The following BST1 variants were observed in gnomAD, a reference collection of about 807,000 sequenced individuals.
BST1 encodes the protein ADP-ribosyl cyclase/cyclic ADP-ribose hydrolase 2.
In BST1, 49 loss-of-function variants were observed where a neutral mutation model predicts 40.6. That is an observed-to-expected ratio of 1.21 (90% confidence interval 0.96 to 1.53). The LOEUF (loss-of-function observed/expected upper bound fraction) is 1.53, where lower values mean the gene tolerates loss of function less well. Among genes scored for constraint, BST1 ranks in the 40% most tolerant of loss-of-function variants. The pLI is 0.00. For synonymous variants in BST1, 157 were observed against 159.3 expected, an observed-to-expected ratio of 0.99 and a Z score of 0.11; for missense variants, 423 against 395.9, an observed-to-expected ratio of 1.07 and a Z score of -0.58.
Position 15,728,412 on chromosome 4 carries a change from C to T in BST1, c.852-3328C>T, listed in dbSNP as rs2148894739. Among the ~76,000 whole-genome samples the T allele has an allele frequency of 1.3e-5, 2 of 150,796 alleles. 1 individual carries two copies. Among genetic ancestry groups the T allele is most frequent in the South Asian group, 4.2e-4 (2 of 4,740 alleles). On this transcript the variant is annotated intron_variant, in intron 8 of 8. Transcript: ENST00000265016. The stretch of plus-strand genomic sequence containing the variant: ...AGCTGTTGGATTAAACCTGTGATGC[C>T]AGTATATGGGTTACTATTAAGTAAC...
chr4:15,731,195 C>A, intron 8 of BST1: 1 of 437,602 alleles, frequency 2.3e-6, no homozygotes, highest in South Asian at 2.2e-5. Context: ...ACTTTGGCCA[C>A]CATGTTTTCC....
chr4:15,722,016 T>C (rs530548590), intron 7 of BST1, among the ~76,000 whole-genome samples: 6 of 152,250 alleles, frequency 3.9e-5, no homozygotes, highest in Non-Finnish European at 7.4e-5. Context: ...TCTTCATTGC[T>C]GCTTCCCTTC....
Position 15,732,104 on chromosome 4 carries a change from T to C in BST1, c.*259T>C, listed in dbSNP as rs889236464. On this transcript the variant is annotated 3_prime_UTR_variant, in exon 9 of 9. Transcript: ENST00000265016. ...CTTATTTGTATAATGACACAAAGCA[T>C]TGGGAGTCAGACTGCTTGTATATTA... The C allele has an allele frequency of 4.1e-6, 5 of 1,208,494 alleles. No homozygotes were observed. The highest frequency in any genetic ancestry group is 1.6e-5 in the African/African-American group (1 of 63,864). 74.9% of individuals were successfully genotyped at this position (1,208,494 alleles called of 1,614,324 possible).
chr4:15,723,651 T>G, intron 8 of BST1: 1 of 956,964 alleles, frequency 1.0e-6, no homozygotes, highest in Non-Finnish European at 1.2e-6. Flanking sequence ...ATATAATCCT[T>G]GATTATATAC....
At chr4:15,754,654 G>A in the BST1 span, among the ~76,000 whole-genome samples, 1 of 152,128 alleles carries the variant, frequency 6.6e-6, no homozygotes, top group African/African-American at 2.4e-5. Context: ...TGAAAAGATG[G>A]AAAAAACGGG....
chr4:15,705,727 C>T, intron 2 of BST1, 86 bp downstream of exon 2: 7 of 1,503,686 alleles, frequency 4.7e-6, no homozygotes, highest in Non-Finnish European at 5.5e-6. Context: ...CATTAGCTGT[C>T]CCCTGCATCC....
At chr4:15,771,917 T>G in the BST1 span, among the ~76,000 whole-genome samples, 1 of 152,192 alleles carries the variant, frequency 6.6e-6, no homozygotes, top group African/African-American at 2.4e-5. Flanking sequence ...TGTGCTGGTG[T>G]TTAATGTCTT....
At chr4:15,758,393 G>A in the BST1 span, among the ~76,000 whole-genome samples, 1 of 152,080 alleles carries the variant, frequency 6.6e-6, no homozygotes, top group Admixed American at 6.6e-5. Flanking sequence ...GAGAACATGT[G>A]GCATTTGATT....
At chr4:15,741,721 C>A (rs1352674079), downstream of BST1, among the ~76,000 whole-genome samples, 1 of 152,154 alleles carries the variant, frequency 6.6e-6, no homozygotes, top group African/African-American at 2.4e-5. Flanking sequence ...TAAAGTTTTA[C>A]TGGAACTCAG....
Position 15,703,082 on chromosome 4 carries a change from C to A in BST1, c.-63C>A. ...CGCCCTGCATCAGTTTGCGGAACCGCCTTGGTAGAAGGAGAGAAGGGGAGT... is the reference window on the plus strand; with the variant it reads ...CGCCCTGCATCAGTTTGCGGAACCGACTTGGTAGAAGGAGAGAAGGGGAGT... On this transcript the variant is annotated 5_prime_UTR_variant, in exon 1 of 9. Transcript: ENST00000265016. 6.7e-7 allele frequency: 1 copy of A among 1,499,716 alleles called. No individual in the cohort carries two copies. Among genetic ancestry groups the A allele is most frequent in the Non-Finnish European group, 8.8e-7 (1 of 1,133,152 alleles). The allele number at this position is 1,499,716 out of a possible 1,614,324, so 92.9% of individuals were successfully genotyped here. A position where few individuals can be genotyped will look rare whatever the true frequency, so the allele number is the denominator to read the frequency against.
intron 7 of BST1, among the ~76,000 whole-genome samples, chr4:15,720,982 G>A (rs984080977): frequency 2.0e-4 from 30 of 152,168 alleles, no homozygotes; most frequent in African/African-American, 6.7e-4. Flanking sequence ...TGCCCCTCAC[G>A]GCTGCCCTGG....
chr4:15,705,487 G>T (rs375022203), intron 1 of BST1, 28 bp from the exon 2 acceptor site: 3 of 1,549,042 alleles, frequency 1.9e-6, no homozygotes, highest in African/African-American at 2.8e-5. Context: ...GCATGTGTGT[G>T]TTCTTCCCAA....
chr4:15,727,609 C>A (rs1221824936), intron 8 of BST1, among the ~76,000 whole-genome samples: 1 of 152,094 alleles, frequency 6.6e-6, no homozygotes, highest in African/African-American at 2.4e-5. Context: ...TAAAACATAG[C>A]AGAAAAATGT....
intron 6 of BST1, 120 bp downstream of exon 6, chr4:15,715,919 T>C: frequency 2.8e-6 from 2 of 715,660 alleles, no homozygotes; most frequent in East Asian, 3.2e-5. Flanking sequence ...TTGCTTCTAA[T>C]GGGGTTGGTA....
chr4:15,704,267 T>G, intron 1 of BST1, among the ~76,000 whole-genome samples: 1 of 147,318 alleles, frequency 6.8e-6, no homozygotes, highest in Middle Eastern at 3.8e-3. Context: ...TGTATGTGTG[T>G]TCTAGAGGTG....
intron 6 of BST1, 30 bp from the exon 7 acceptor site, chr4:15,718,877 A>G (rs757334277): frequency 5.0e-6 from 8 of 1,588,936 alleles, no homozygotes; most frequent in Non-Finnish European, 5.2e-6. Flanking sequence ...TTATTTGCTT[A>G]CTTTTTAATT....
downstream of BST1, among the ~76,000 whole-genome samples, chr4:15,733,479 T>C (rs990925245): frequency 2.6e-5 from 4 of 152,152 alleles, no homozygotes; most frequent in Admixed American, 2.0e-4. Flanking sequence ...CACAGAGTGC[T>C]GATCGGTGCA....
At position 15,711,851 on chromosome 4, in the gene BST1, A is replaced by G. The variant is rs1435971357; in HGVS notation, c.496A>G (p.Asn166Asp). The G allele has an allele frequency of 6.2e-7, 1 of 1,614,146 alleles. No individual in the cohort carries two copies. The highest frequency in any genetic ancestry group is 8.5e-7 in the Non-Finnish European group (1 of 1,179,976). ...SCPTSEDCENNPVDSFWKRAS... is the reference protein window; with the variant it reads ...SCPTSEDCENDPVDSFWKRAS... Reference sequence around the variant, plus strand: ...CCCTACATCAGAAGACTGTGAAAATAATCCTGTGGATTCCTTTTGGAAAAG... The same window carrying G: ...CCCTACATCAGAAGACTGTGAAAATGATCCTGTGGATTCCTTTTGGAAAAG... The change falls in exon 4 of 9, where the codon AAT becomes GAT. Residue 166 changes from asparagine (N) to aspartate (D), a missense_variant. By Grantham distance (23) the Asn-to-Asp change is conservative. Coordinates refer to ENST00000265016, the MANE Select transcript of BST1 (RefSeq NM_004334.3).
At chr4:15,754,033 G>C in the BST1 span, among the ~76,000 whole-genome samples, 22 of 152,324 alleles carry the variant, frequency 1.4e-4, no homozygotes, top group East Asian at 4.1e-3. Flanking sequence ...GCTGGATCCA[G>C]GGCAGAGAGC....
Sources: gnomAD v4.1 joint callset for allele counts (sites outside exome capture counted in the v4.1 genomes callset) on GRCh38, gnomAD v4.1.1 for gene constraint, MANE v1.5 for transcripts, NCBI Gene and HGNC (gene_info 2026-07-23, HGNC 2026-07-21) for gene names.